Variants in C2orf92 observed in about 807,000 individuals in gnomAD.
C2orf92 encodes uncharacterized protein C2orf92.
chr2:97,682,217 A>C (rs775978402), intron 3 of C2orf92, among the ~76,000 whole-genome samples: 2 of 152,202 alleles, frequency 1.3e-5, no homozygotes, highest in Non-Finnish European at 2.9e-5. Context: ...ACCTAGATGA[A>C]ATTTTAAAAT....
At chr2:97,676,596 AC>A (rs1675593345) in intron 3 of C2orf92, among the ~76,000 whole-genome samples, 2 of 151,036 alleles carry the variant, frequency 1.3e-5, no homozygotes, top group South Asian at 2.1e-4. Context: ...CACTAAAAAA[AC>A]GCCCCCCTCC....
intron 5 of C2orf92, among the ~76,000 whole-genome samples, chr2:97,694,027 T>C (rs1676224052): frequency 6.6e-6 from 1 of 152,142 alleles, no homozygotes; most frequent in African/African-American, 2.4e-5. Context: ...CTTTTCATCT[T>C]ATAAAACCAA....
chr2:97,700,834 A>G (rs1676469382), intron 6 of C2orf92, among the ~76,000 whole-genome samples: 1 of 151,480 alleles, frequency 6.6e-6, no homozygotes, highest in African/African-American at 2.4e-5. Context: ...GGTTCACGCC[A>G]TTCTCCTGCC....
intron 2 of C2orf92, among the ~76,000 whole-genome samples, chr2:97,674,802 C>T (rs936655376): frequency 6.6e-6 from 1 of 152,170 alleles, no homozygotes. Flanking sequence ...CGTGCAGTGT[C>T]AGGCATGTTC....
intron 3 of C2orf92, among the ~76,000 whole-genome samples, chr2:97,678,753 T>G (rs1211998307): frequency 3.3e-5 from 5 of 150,986 alleles, no homozygotes; most frequent in Admixed American, 2.6e-4. Context: ...GCAGATCACT[T>G]GAGCCCAGGA....
chr2:97,692,427 T>TTTTA (rs1676169311), intron 5 of C2orf92, among the ~76,000 whole-genome samples: 1 of 145,618 alleles, frequency 6.9e-6, no homozygotes, highest in African/African-American at 2.7e-5. Flanking sequence ...TTTTTTTTTT[T>TTTTA]GAGATGGAGT....
At chr2:97,700,366 G>A (rs1261114868) in intron 6 of C2orf92, among the ~76,000 whole-genome samples, 5 of 152,162 alleles carry the variant, frequency 3.3e-5, no homozygotes, top group Admixed American at 6.5e-5. Context: ...AGGGGGCAGA[G>A]GAGGGGAAGC....
At chr2:97,678,743 G>A (rs1188831607) in intron 3 of C2orf92, among the ~76,000 whole-genome samples, 2 of 151,238 alleles carry the variant, frequency 1.3e-5, no homozygotes, top group East Asian at 3.9e-4. Flanking sequence ...GCTGACGTGG[G>A]CAGATCACTT....
intron 5 of C2orf92, 80 bp downstream of exon 5, chr2:97,690,407 G>A: frequency 5.2e-6 from 2 of 386,920 alleles, no homozygotes; most frequent in Non-Finnish European, 9.1e-6. Flanking sequence ...TTGAGACGGA[G>A]TCTCACTCTG....
At position 97,679,837 on chromosome 2, in the gene C2orf92, CA is replaced by C. The variant is rs55696146; in HGVS notation, c.232+3925del. Among the ~76,000 whole-genome samples, 142 of 94,738 alleles carry C rather than the reference CA, an allele frequency of 1.5e-3. 1 individual carries two copies. Among genetic ancestry groups the C allele is most frequent in the African/African-American group, 4.9e-3 (101 of 20,686 alleles). 62.2% of individuals were successfully genotyped at this position (94,738 alleles called of 152,430 possible). A position where few individuals can be genotyped will look rare whatever the true frequency, so the allele number is the denominator to read the frequency against. On this transcript the variant is annotated intron_variant, in intron 3 of 7. Transcript: ENST00000627399. ...GGGCAACAAGAGTGAAACTCTATCT[CA>C]AAAAAAAAAAAAAAAGAAAAAAAAG...
chr2:97,681,259 A>T (rs1405321475), intron 3 of C2orf92, among the ~76,000 whole-genome samples: 1 of 152,196 alleles, frequency 6.6e-6, no homozygotes, highest in Non-Finnish European at 1.5e-5. Context: ...TCTCAAGAGC[A>T]TATGGAATAT....
At chr2:97,683,538 TA>T (rs35099683) in intron 3 of C2orf92, among the ~76,000 whole-genome samples, 1,710 of 138,292 alleles carry the variant, frequency 0.012, 30 homozygotes, top group East Asian at 0.053. Context: ...TGGTATCTAT[TA>T]AAAAAAAAAA....
At chr2:97,695,352 G>T (rs149774562) in intron 5 of C2orf92, among the ~76,000 whole-genome samples, 3 of 152,272 alleles carry the variant, frequency 2.0e-5, no homozygotes, top group South Asian at 4.1e-4. Flanking sequence ...GTTGGATAAG[G>T]CTCTAACTTT....
At chr2:97,688,678 C>G (rs1470034533) in intron 3 of C2orf92, among the ~76,000 whole-genome samples, 1 of 152,148 alleles carries the variant, frequency 6.6e-6, no homozygotes, top group Non-Finnish European at 1.5e-5. Flanking sequence ...GCAGTGTTTA[C>G]TGCCCAGGAT....
chr2:97,665,093 C>T (rs890616634), upstream of C2orf92, among the ~76,000 whole-genome samples: 1 of 152,168 alleles, frequency 6.6e-6, no homozygotes, highest in Admixed American at 6.5e-5. Context: ...CTTTGGTAAC[C>T]TGCCCAAGAT....
At chr2:97,673,070 AAG>A (rs1396226956) in intron 1 of C2orf92, among the ~76,000 whole-genome samples, 1 of 152,202 alleles carries the variant, frequency 6.6e-6, no homozygotes, top group African/African-American at 2.4e-5. Context: ...TTTATAAACA[AAG>A]AGATTTCCGA....
intron 3 of C2orf92, among the ~76,000 whole-genome samples, chr2:97,683,774 G>C (rs1410366015): frequency 6.6e-6 from 1 of 152,126 alleles, no homozygotes; most frequent in Non-Finnish European, 1.5e-5. Context: ...AAAACAGTGT[G>C]ATACTAGTAT....
chr2:97,684,185 G>A (rs997255407), intron 3 of C2orf92, among the ~76,000 whole-genome samples: 10 of 152,112 alleles, frequency 6.6e-5, no homozygotes, highest in African/African-American at 1.9e-4. Context: ...ACAGGCGCCC[G>A]CCACCACGCC....
intron 6 of C2orf92, among the ~76,000 whole-genome samples, chr2:97,699,842 T>C (rs968595680): frequency 3.9e-5 from 6 of 152,212 alleles, no homozygotes; most frequent in Non-Finnish European, 7.3e-5. Context: ...TGCTTAGAAA[T>C]TAAATGCTGA....
Sources: allele counts gnomAD v4.1 joint callset (sites outside exome capture counted in the v4.1 genomes callset), GRCh38; gene constraint gnomAD v4.1.1; transcripts MANE v1.5; gene names NCBI Gene and HGNC (gene_info 2026-07-23, HGNC 2026-07-21).